The following LINGO2 variants were observed in gnomAD, a reference collection of about 807,000 sequenced individuals.
The protein encoded by LINGO2 is leucine-rich repeat and immunoglobulin-like domain-containing nogo receptor-interacting protein 2.
Under a neutral mutation model 30.6 loss-of-function variants are expected in LINGO2, and 14 were observed. The ratio of observed to expected loss-of-function variants is 0.46; its 90% confidence interval spans 0.30 to 0.72. LINGO2 has a LOEUF of 0.72. LINGO2 is among the 30% of genes least tolerant of loss of function. The probability of loss-of-function intolerance (pLI) is 0.07; values close to 1 mark genes in which losing one functional copy is unlikely to be tolerated. For synonymous variants in LINGO2, 317 were observed against 288.5 expected, an observed-to-expected ratio of 1.10 and a Z score of -1.00; for missense variants, 729 against 751.7, an observed-to-expected ratio of 0.97 and a Z score of 0.35.
the LINGO2 span, among the ~76,000 whole-genome samples, chr9:28,815,098 C>T: frequency 6.6e-6 from 1 of 152,176 alleles, no homozygotes; most frequent in East Asian, 1.9e-4. Context: ...CTCAACTGAA[C>T]TAGCAAATTT....
At chr9:29,028,868 T>G in the LINGO2 span, among the ~76,000 whole-genome samples, 3 of 152,178 alleles carry the variant, frequency 2.0e-5, no homozygotes, top group East Asian at 5.8e-4. Flanking sequence ...TAGCCAAGCT[T>G]GGTTCAAAGC....
At chr9:28,057,602 CACATATAT>C (rs1824995152) in intron 4 of LINGO2, among the ~76,000 whole-genome samples, 1 of 146,836 alleles carries the variant, frequency 6.8e-6, no homozygotes, top group African/African-American at 2.5e-5. Context: ...CATATATATA[CACATATAT>C]GTATATACAT....
chr9:28,269,325 C>A (rs1183396762), intron 4 of LINGO2, among the ~76,000 whole-genome samples: 1 of 152,048 alleles, frequency 6.6e-6, no homozygotes, highest in Non-Finnish European at 1.5e-5. Context: ...AATATGATTT[C>A]AGTGAGTGCC....
chr9:28,364,732 G>A (rs1820591846), intron 3 of LINGO2, among the ~76,000 whole-genome samples: 1 of 152,152 alleles, frequency 6.6e-6, no homozygotes, highest in Non-Finnish European at 1.5e-5. Context: ...CAAGAAAAGA[G>A]TCTATCTGTT....
intron 1 of LINGO2, among the ~76,000 whole-genome samples, chr9:28,610,008 T>C (rs987394455): frequency 6.6e-6 from 1 of 152,108 alleles, no homozygotes; most frequent in African/African-American, 2.4e-5. Flanking sequence ...ATTATTTTTA[T>C]AATGCCCTTT....
At chr9:28,636,781 C>A (rs1365784247) in intron 1 of LINGO2, among the ~76,000 whole-genome samples, 75 of 152,126 alleles carry the variant, frequency 4.9e-4, no homozygotes, top group Admixed American at 4.8e-3. Flanking sequence ...TGCCTGTTCA[C>A]TCTGATGTTA....
chr9:28,710,317 C>T, the LINGO2 span, among the ~76,000 whole-genome samples: 1 of 151,876 alleles, frequency 6.6e-6, no homozygotes, highest in African/African-American at 2.4e-5. Context: ...AACTTCCCAG[C>T]CACCATAACT....
intron 1 of LINGO2, among the ~76,000 whole-genome samples, chr9:28,533,042 G>A (rs1564271774): frequency 6.6e-6 from 1 of 151,984 alleles, no homozygotes; most frequent in Non-Finnish European, 1.5e-5. Context: ...CTGTGAGGGT[G>A]TTGCCAAAGG....
At chr9:28,710,984 A>G in the LINGO2 span, among the ~76,000 whole-genome samples, 1 of 152,058 alleles carries the variant, frequency 6.6e-6, no homozygotes, top group Admixed American at 6.6e-5. Context: ...GGGATGATGT[A>G]GGCTCTGCAG....
the LINGO2 span, among the ~76,000 whole-genome samples, chr9:29,145,888 T>C: frequency 6.6e-6 from 1 of 152,192 alleles, no homozygotes; most frequent in African/African-American, 2.4e-5. Context: ...CACACAAAGA[T>C]ATGTATTTAT....
chr9:29,172,774 C>A, the LINGO2 span, among the ~76,000 whole-genome samples: 8 of 151,860 alleles, frequency 5.3e-5, no homozygotes, highest in South Asian at 1.7e-3. Flanking sequence ...AATAAAAGAT[C>A]CATAGAGGAA....
At chr9:28,171,822 C>T (rs529817125) in intron 4 of LINGO2, among the ~76,000 whole-genome samples, 1 of 141,136 alleles carries the variant, frequency 7.1e-6, no homozygotes, top group South Asian at 2.3e-4. Flanking sequence ...TGCTGGCTAA[C>T]ACGGTGAAAC....
Position 28,389,482 on chromosome 9 carries a change from G to T in LINGO2, c.-278-16614C>A, listed in dbSNP as rs542898039. On this transcript the variant is annotated intron_variant, in intron 2 of 5. Coordinates refer to ENST00000379992, the Ensembl canonical transcript of LINGO2. ...GGTTAGATCCCCACCTTCAACAATG[G>T]TTTAAGAATTATGTCTTCCATAAAT... Among the ~76,000 whole-genome samples the T allele has an allele frequency of 5.3e-5, 8 of 152,238 alleles. No individual in the cohort carries two copies. The East Asian group carries it at 1.5e-3, about 29-fold the overall frequency.
chr9:28,588,960 T>G (rs982786412), intron 1 of LINGO2, among the ~76,000 whole-genome samples: 8 of 152,036 alleles, frequency 5.3e-5, no homozygotes, highest in African/African-American at 1.9e-4. Context: ...CAGTTTGGGC[T>G]GCCAATGAGT....
intron 5 of LINGO2, among the ~76,000 whole-genome samples, chr9:27,987,143 G>A (rs1190020345): frequency 6.6e-6 from 1 of 151,792 alleles, no homozygotes; most frequent in African/African-American, 2.4e-5. Context: ...TACTTATGAG[G>A]ATGAAAGTAG....
At chr9:28,919,306 C>G in the LINGO2 span, among the ~76,000 whole-genome samples, 2 of 152,230 alleles carry the variant, frequency 1.3e-5, no homozygotes, top group South Asian at 4.1e-4. Flanking sequence ...ATGATGACAA[C>G]TGGGGACACA....
chr9:28,780,119 A>C, the LINGO2 span, among the ~76,000 whole-genome samples: 6 of 152,294 alleles, frequency 3.9e-5, no homozygotes, highest in Admixed American at 3.9e-4. Context: ...TTTAATAAAA[A>C]ATGGACTTGG....
intron 4 of LINGO2, 23 bp downstream of exon 6, chr9:28,295,185 C>T (rs556371450): frequency 6.6e-6 from 1 of 152,632 alleles, no homozygotes; most frequent in South Asian, 2.1e-4. Context: ...AATAAATGAT[C>T]AGATGTCTCC....
the LINGO2 span, among the ~76,000 whole-genome samples, chr9:29,118,461 C>T: frequency 1.3e-5 from 2 of 152,290 alleles, no homozygotes; most frequent in Non-Finnish European, 2.9e-5. Context: ...CAGTTCATAT[C>T]GCCCCCACAC....
Sources: gnomAD v4.1 joint callset for allele counts (sites outside exome capture counted in the v4.1 genomes callset) on GRCh38, gnomAD v4.1.1 for gene constraint, MANE v1.5 for transcripts, NCBI Gene and HGNC (gene_info 2026-07-23, HGNC 2026-07-21) for gene names.